Variants in NPAS3 observed in about 807,000 individuals in gnomAD.
NPAS3 encodes the protein neuronal PAS domain protein 3, also known as neuronal PAS domain-containing protein 3.
Under a neutral mutation model 73.1 loss-of-function variants are expected in NPAS3, and 14 were observed. The observed-to-expected ratio is 0.19, with a 90% CI of 0.13 to 0.30. The LOEUF (loss-of-function observed/expected upper bound fraction) is 0.30. Ranked by LOEUF, NPAS3 falls within the 10% of genes least tolerant of loss-of-function variation. The pLI is 1.00. For missense variants in NPAS3, 1,096 were observed against 1,250.0 expected, an observed-to-expected ratio of 0.88 and a Z score of 1.86; for synonymous variants, 620 against 541.5, an observed-to-expected ratio of 1.14 and a Z score of -2.01.
At chr14:33,282,944 T>A (rs1446948588) in intron 3 of NPAS3, among the ~76,000 whole-genome samples, 1 of 152,202 alleles carries the variant, frequency 6.6e-6, no homozygotes, top group Non-Finnish European at 1.5e-5. Context: ...CCCTGTTCCT[T>A]TGACTTACAT....
chr14:33,124,420 C>G (rs1406743241), intron 2 of NPAS3, among the ~76,000 whole-genome samples: 4 of 152,128 alleles, frequency 2.6e-5, no homozygotes, highest in African/African-American at 9.7e-5. Flanking sequence ...GTTACACCAT[C>G]ACTCTGTGTC....
chr14:33,293,091 G>A lies in NPAS3; in HGVS notation c.386-74095G>A, dbSNP rs1434026795. ...CTGGTCATTATTTCCTTAGAACTGA[G>A]CATCTCTTGCTGGCCACCTGTACTA... On this transcript the variant is annotated intron_variant, in intron 3 of 11. Transcript: ENST00000356141. 3.3e-5 allele frequency among the ~76,000 whole-genome samples: 5 copies of A among 152,040 alleles called. No individual in the cohort carries two copies. The South Asian group carries it at 6.2e-4, about 19-fold the overall frequency.
intron 2 of NPAS3, among the ~76,000 whole-genome samples, chr14:33,151,617 T>C (rs1430666942): frequency 6.6e-6 from 1 of 152,200 alleles, no homozygotes; most frequent in Non-Finnish European, 1.5e-5. Context: ...TTTCACAGCA[T>C]TTTATCATTG....
intron 7 of NPAS3, among the ~76,000 whole-genome samples, chr14:33,742,157 G>A (rs1027972245): frequency 6.6e-6 from 1 of 152,020 alleles, no homozygotes; most frequent in Admixed American, 6.6e-5. Flanking sequence ...AAAAACAAAC[G>A]CAAGCACAGG....
chr14:33,430,548 G>A (rs2048741011), intron 4 of NPAS3, among the ~76,000 whole-genome samples: 2 of 151,966 alleles, frequency 1.3e-5, no homozygotes, highest in African/African-American at 4.8e-5. Context: ...CCCACTCCCG[G>A]GGTGTCTGCA....
At chr14:33,155,289 C>G (rs1006588026) in intron 2 of NPAS3, among the ~76,000 whole-genome samples, 5 of 152,190 alleles carry the variant, frequency 3.3e-5, no homozygotes, top group Admixed American at 6.5e-5. Context: ...AGACAACTCT[C>G]ATGTATTCCA....
At chr14:33,431,277 G>A (rs2048773192) in intron 4 of NPAS3, among the ~76,000 whole-genome samples, 1 of 152,154 alleles carries the variant, frequency 6.6e-6, no homozygotes, top group African/African-American at 2.4e-5. Flanking sequence ...TTAAATACAT[G>A]TATTAACTTT....
chr14:32,966,740 G>C (rs2037181081), intron 1 of NPAS3, among the ~76,000 whole-genome samples: 1 of 67,246 alleles, frequency 1.5e-5, no homozygotes, highest in Admixed American at 1.3e-4. Context: ...ACTGCAGTCC[G>C]CAGTCCGGCC....
intron 2 of NPAS3, among the ~76,000 whole-genome samples, chr14:33,176,965 C>G (rs1477299616): frequency 6.6e-6 from 1 of 151,808 alleles, no homozygotes; most frequent in Non-Finnish European, 1.5e-5. Flanking sequence ...TCCTTAATGA[C>G]TAATGATACT....
intron 3 of NPAS3, among the ~76,000 whole-genome samples, chr14:33,302,036 T>C (rs567787709): frequency 2.8e-4 from 42 of 152,324 alleles, no homozygotes; most frequent in African/African-American, 9.9e-4. Context: ...GTGGCTTATG[T>C]CTGTTTTATT....
At chr14:33,023,348 A>G (rs1396435744) in intron 1 of NPAS3, among the ~76,000 whole-genome samples, 1 of 152,170 alleles carries the variant, frequency 6.6e-6, no homozygotes, top group Non-Finnish European at 1.5e-5. Flanking sequence ...ATGCTGACCC[A>G]TGACATCACT....
chr14:33,131,364 A>G (rs892034132), intron 2 of NPAS3, among the ~76,000 whole-genome samples: 3 of 152,092 alleles, frequency 2.0e-5, no homozygotes, highest in African/African-American at 4.8e-5. Flanking sequence ...ATATTCTCCA[A>G]GTTCTCCAGC....
At chr14:33,263,601 A>G (rs377482346) in intron 3 of NPAS3, among the ~76,000 whole-genome samples, 5 of 152,188 alleles carry the variant, frequency 3.3e-5, no homozygotes, top group East Asian at 1.9e-4. Flanking sequence ...TTGGCAATGC[A>G]GGCTCTTTTT....
intron 5 of NPAS3, among the ~76,000 whole-genome samples, chr14:33,643,736 G>A (rs2058744431): frequency 6.6e-6 from 1 of 152,210 alleles, no homozygotes; most frequent in Non-Finnish European, 1.5e-5. Flanking sequence ...TCAGGCAGGA[G>A]AGTGTATGCT....
chr14:32,990,285 C>A (rs1234707368), intron 1 of NPAS3, among the ~76,000 whole-genome samples: 1 of 152,134 alleles, frequency 6.6e-6, no homozygotes, highest in African/African-American at 2.4e-5. Context: ...GATTAGCCTT[C>A]AATTCATTAC....
chr14:33,568,914 C>G (rs902454886), intron 5 of NPAS3, among the ~76,000 whole-genome samples: 1 of 152,136 alleles, frequency 6.6e-6, no homozygotes, highest in African/African-American at 2.4e-5. Context: ...AAGATATAAT[C>G]TCTTTTTCTT....
intron 8 of NPAS3, among the ~76,000 whole-genome samples, chr14:33,777,957 A>C (rs2062872970): frequency 6.6e-6 from 1 of 152,256 alleles, no homozygotes; most frequent in Non-Finnish European, 1.5e-5. Context: ...TGTATGTCTC[A>C]GCATTTAAAT....
intron 3 of NPAS3, among the ~76,000 whole-genome samples, chr14:33,331,703 A>T (rs1045254468): frequency 4.6e-5 from 7 of 152,228 alleles, no homozygotes; most frequent in Admixed American, 4.6e-4. Context: ...ACAAAATCTG[A>T]CAGAGGACAA....
chr14:33,258,288 T>C (rs1287576924), intron 3 of NPAS3, among the ~76,000 whole-genome samples: 1 of 152,112 alleles, frequency 6.6e-6, no homozygotes, highest in East Asian at 1.9e-4. Flanking sequence ...TCCCAGCTAC[T>C]TGGGAGGCTG....
Sources: allele counts gnomAD v4.1 joint callset (sites outside exome capture counted in the v4.1 genomes callset), GRCh38; gene constraint gnomAD v4.1.1; transcripts MANE v1.5; gene names NCBI Gene and HGNC (gene_info 2026-07-23, HGNC 2026-07-21).